The following OTOA variants were observed in gnomAD, a reference collection of about 807,000 sequenced individuals.
OTOA encodes the protein cancer/testis antigen 108.
Under a neutral mutation model 110.8 loss-of-function variants are expected in OTOA, and 70 were observed. The ratio of observed to expected loss-of-function variants is 0.63; its 90% CI spans 0.52 to 0.77. The LOEUF is 0.77. Among genes scored for constraint, OTOA ranks in the 30% least tolerant of loss-of-function variants. OTOA has a pLI of 0.00. For synonymous variants in OTOA, 373 were observed against 431.5 expected, an observed-to-expected ratio of 0.86 and a Z score of 1.68; for missense variants, 917 against 1,075.8, an observed-to-expected ratio of 0.85 and a Z score of 2.06.
rs773866923 is a variant in OTOA, at chr16:21,710,134, C to T, written c.1320+31C>T. ...CTGGAGTTTTAAACTCTTTTTTATTCCCCTAAGATGACCTAAGTGTATTAG... is the reference window on the plus strand; with the variant it reads ...CTGGAGTTTTAAACTCTTTTTTATTTCCCTAAGATGACCTAAGTGTATTAG... On this transcript the variant is annotated intron_variant, in intron 13 of 28. Coordinates refer to ENST00000646100, the MANE Select transcript of OTOA (RefSeq NM_144672.4). The T allele has an allele frequency of 8.3e-6, 13 of 1,562,026 alleles. No homozygotes were observed. In the Admixed American group the frequency reaches 2.4e-4, roughly 29 times the overall value.
rs773660453 is a variant in OTOA at position 21,679,029 on chromosome 16, C to T, written c.121-7C>T. 3.7e-6 allele frequency: 6 copies of T among 1,613,986 alleles called. No individual in the cohort carries two copies. Among genetic ancestry groups the T allele is most frequent in the Non-Finnish European group, 5.1e-6 (6 of 1,179,946 alleles). ...GTTATACTTGATGTTATCTCTTTGCCTTTTAGGAAGAAATAATAGATGGAA... is the reference window on the plus strand; with the variant it reads ...GTTATACTTGATGTTATCTCTTTGCTTTTTAGGAAGAAATAATAGATGGAA... On this transcript the variant is annotated splice_region_variant and splice_polypyrimidine_tract_variant and intron_variant, in intron 3 of 28. Transcript: ENST00000646100.
At chr16:21,744,305 A>C (rs1899584603) in intron 23 of OTOA, among the ~76,000 whole-genome samples, 1 of 152,352 alleles carries the variant, frequency 6.6e-6, no homozygotes, top group South Asian at 2.1e-4. Flanking sequence ...ATGCACAGCT[A>C]ATTTTTTTTT....
At chr16:21,705,537 C>G (rs975751757) in intron 12 of OTOA, 2 of 563,560 alleles carry the variant, frequency 3.5e-6, no homozygotes, top group East Asian at 7.2e-5. Context: ...CAGCCAGGCG[C>G]GGTGGCTCAT....
chr16:21,715,942 C>T (rs1347130485), intron 14 of OTOA, among the ~76,000 whole-genome samples: 1 of 152,138 alleles, frequency 6.6e-6, no homozygotes, highest in African/African-American at 2.4e-5. Context: ...TAGGGTCTTG[C>T]TCTATTACCC....
In OTOA at chr16:21,757,952, G is replaced by A. The variant is rs1296871926; in HGVS notation, c.3349+675G>A. 2.0e-5 allele frequency among the ~76,000 whole-genome samples: 3 copies of A among 152,038 alleles called. No homozygotes were observed. In the East Asian group the frequency reaches 5.8e-4, roughly 29 times the overall value. On this transcript the variant is annotated intron_variant, in intron 28 of 28. Coordinates refer to ENST00000646100, the MANE Select transcript of OTOA (RefSeq NM_144672.4). ...TTAATTAATTCAACCCATGTTTACT[G>A]GGCACCTACTATGTTCCAAGTCCGC...
chr16:21,706,393 T>G (rs751346467), intron 12 of OTOA, among the ~76,000 whole-genome samples: 10 of 152,190 alleles, frequency 6.6e-5, no homozygotes, highest in Non-Finnish European at 1.3e-4. Flanking sequence ...AACCTGCCTC[T>G]AGATTAGTAA....
intron 6 of OTOA, among the ~76,000 whole-genome samples, chr16:21,684,729 A>G (rs569729624): frequency 6.3e-5 from 2 of 31,620 alleles, no homozygotes; most frequent in African/African-American, 1.8e-4. Flanking sequence ...CCTTATTATT[A>G]TTATTATTAT....
intron 22 of OTOA, among the ~76,000 whole-genome samples, chr16:21,739,045 C>A (rs1287667241): frequency 6.6e-6 from 1 of 152,312 alleles, no homozygotes; most frequent in South Asian, 2.1e-4. Flanking sequence ...GCTTTCCATG[C>A]TCAGGGGAAG....
chr16:21,665,472 C>A (rs1966839007), intron 1 of OTOA, among the ~76,000 whole-genome samples: 2 of 152,064 alleles, frequency 1.3e-5, no homozygotes. Flanking sequence ...TACTAGGGAG[C>A]CCCACAGCCC....
chr16:21,694,159 G>T (rs1208919490), intron 9 of OTOA, among the ~76,000 whole-genome samples: 1 of 152,162 alleles, frequency 6.6e-6, no homozygotes, highest in African/African-American at 2.4e-5. Context: ...GTAAAAAGCA[G>T]GCAGGGTGCA....
chr16:21,748,853 ACTC>A, intron 24 of OTOA: 1 of 150,084 alleles, frequency 6.7e-6, no homozygotes, highest in Non-Finnish European at 1.5e-5. Flanking sequence ...TACTTATTGA[ACTC>A]CTACTCTGTG....
chr16:21,687,181 T>C (rs140239527), intron 7 of OTOA, among the ~76,000 whole-genome samples: 73 of 152,286 alleles, frequency 4.8e-4, no homozygotes, highest in Non-Finnish European at 7.6e-4. Flanking sequence ...AAGGGCCTGA[T>C]GTATGCTGGT....
chr16:21,715,192 G>A, intron 14 of OTOA, 40 bp downstream of exon 14: 1 of 1,613,610 alleles, frequency 6.2e-7, no homozygotes, highest in Non-Finnish European at 8.5e-7. Context: ...CATGTCACAG[G>A]GGGTATGTTT....
At position 21,707,649 on chromosome 16, in the gene OTOA, C is replaced by CTTTCTTTA. The variant is rs1481229859; in HGVS notation, c.1105-2232_1105-2231insATTTCTTT. Among the ~76,000 whole-genome samples the CTTTCTTTA allele has an allele frequency of 2.7e-5, 3 of 110,420 alleles. No individual in the cohort carries two copies. In the South Asian group the frequency reaches 8.5e-4, roughly 31 times the overall value. The allele number at this position is 110,420 out of a possible 152,430, so 72.4% of individuals were successfully genotyped here. ...TCTTTCTTTCTTTCTTTCTTTCTTT[C>CTTTCTTTA]TTTCTTTCTCTTTCTTTCTCTTTCT... On this transcript the variant is annotated intron_variant, in intron 12 of 28. Transcript: ENST00000646100.
chr16:21,707,354 G>A (rs1898196582), intron 12 of OTOA, among the ~76,000 whole-genome samples: 1 of 152,006 alleles, frequency 6.6e-6, no homozygotes, highest in African/African-American at 2.4e-5. Context: ...TCTCAAACTG[G>A]AGGGTGCATC....
chr16:21,691,014 G>A (rs1447102019), intron 8 of OTOA, among the ~76,000 whole-genome samples: 1 of 131,052 alleles, frequency 7.6e-6, no homozygotes, highest in African/African-American at 3.0e-5. Context: ...CCCTTGCTGT[G>A]CCCAAGTGAT....
In OTOA at chr16:21,710,120, A is replaced by T. The variant is rs749451457; in HGVS notation, c.1320+17A>T. 3.1e-6 allele frequency: 5 copies of T among 1,594,490 alleles called. No individual in the cohort carries two copies. Among genetic ancestry groups the T allele is most frequent in the Non-Finnish European group, 4.3e-6 (5 of 1,168,830 alleles). ...CATGAGAAGGTCAGCTGGAGTTTTA[A>T]ACTCTTTTTTATTCCCCTAAGATGA... On this transcript the variant is annotated intron_variant, in intron 13 of 28. Coordinates refer to ENST00000646100, the MANE Select transcript of OTOA (RefSeq NM_144672.4).
intron 4 of OTOA, 28 bp from the exon 5 acceptor site, chr16:21,679,156 A>T: frequency 6.2e-7 from 1 of 1,613,778 alleles, no homozygotes; most frequent in Middle Eastern, 1.7e-4. Flanking sequence ...CCTTTTAAAG[A>T]TGTCTTTTCA....
At chr16:21,719,641 C>A (rs1032536374) in intron 17 of OTOA, 137 bp downstream of exon 17, 1 of 873,828 alleles carries the variant, frequency 1.1e-6, no homozygotes, top group Non-Finnish European at 1.9e-6. Context: ...AAAGATTGAG[C>A]CAGGTTTTTT....
Sources: gnomAD v4.1 joint callset for allele counts (sites outside exome capture counted in the v4.1 genomes callset) on GRCh38, gnomAD v4.1.1 for gene constraint, MANE v1.5 for transcripts, NCBI Gene and HGNC (gene_info 2026-07-23, HGNC 2026-07-21) for gene names.